ABLIM2: variants seen among roughly 807,000 people sequenced by gnomAD.
ABLIM2 encodes the protein actin-binding LIM protein 2.
ABLIM2 carries 53 observed loss-of-function variants against 97.7 expected under a neutral mutation model. The ratio of observed to expected loss-of-function variants is 0.54; its 90% CI spans 0.44 to 0.68. The LOEUF (loss-of-function observed/expected upper bound fraction) is 0.68. Ranked by LOEUF, ABLIM2 falls within the 30% of genes least tolerant of loss-of-function variation. The pLI, the probability that ABLIM2 is intolerant of heterozygous loss-of-function variation, is 0.00. For synonymous variants in ABLIM2, 361 were observed against 345.8 expected, an observed-to-expected ratio of 1.04 and a Z score of -0.49; for missense variants, 835 against 867.2, an observed-to-expected ratio of 0.96 and a Z score of 0.47.
In ABLIM2 at chr4:8,120,579, C is replaced by A. The variant is rs551594834; in HGVS notation, c.11-13942G>T. On this transcript the variant is annotated intron_variant, in intron 1 of 20. Coordinates refer to ENST00000447017, the MANE Select transcript of ABLIM2 (RefSeq NM_001130083.2). The surrounding 1 kb of genome is among the most constrained non-coding windows in gnomAD (Gnocchi z 5.6). ...CCTCAGAAGGAGCCAGCCCTGCCCG[C>A]ACCTTGATCTGGGACTTCTGGCCTC... Among the ~76,000 whole-genome samples the A allele has an allele frequency of 5.4e-4, 82 of 152,246 alleles. No homozygotes were observed. The highest frequency in any genetic ancestry group is 1.9e-3 in the African/African-American group (77 of 41,544).
intron 2 of ABLIM2, among the ~76,000 whole-genome samples, chr4:8,103,443 G>T (rs1027418417): frequency 6.6e-6 from 1 of 152,260 alleles, no homozygotes; most frequent in Non-Finnish European, 1.5e-5. Context: ...AGGAGAAGGG[G>T]TGGTCACTGC....
Position 8,019,821 on chromosome 4 carries a change from C to T in ABLIM2, c.1370-150G>A. On this transcript the variant is annotated intron_variant, in intron 13 of 20. Transcript: ENST00000447017. The surrounding 1 kb of genome is among the most constrained non-coding windows in gnomAD (Gnocchi z 4.3). ...ACTGGCACCCAGCGAGCGACAGACA[C>T]CCAGGCCCCAGATCAAGCCTCCCTG... The T allele has an allele frequency of 1.3e-6, 1 of 761,972 alleles. No homozygotes were observed. The highest frequency in any genetic ancestry group is 1.6e-5 in the South Asian group (1 of 62,164). 47.2% of individuals were successfully genotyped at this position (761,972 alleles called of 1,614,324 possible). A position where few individuals can be genotyped will look rare whatever the true frequency, so the allele number is the denominator to read the frequency against.
intron 7 of ABLIM2, among the ~76,000 whole-genome samples, chr4:8,057,962 T>C (rs961587973): frequency 5.3e-5 from 8 of 152,184 alleles, no homozygotes; most frequent in Non-Finnish European, 8.8e-5. Context: ...ACACAGCTGG[T>C]CAGACCTGTC....
intron 16 of ABLIM2, among the ~76,000 whole-genome samples, chr4:7,994,772 C>CTTT (rs1240449066): frequency 2.6e-5 from 3 of 117,478 alleles, no homozygotes; most frequent in Non-Finnish European, 6.2e-5. Flanking sequence ...TGTTTCCTGA[C>CTTT]TTCATGTCCA....
intron 20 of ABLIM2, among the ~76,000 whole-genome samples, chr4:7,969,225 G>T (rs1039253558): frequency 2.6e-5 from 4 of 152,096 alleles, no homozygotes. Context: ...AGGCCAAGGC[G>T]GGCAGATCAC....
intron 3 of ABLIM2, among the ~76,000 whole-genome samples, chr4:8,096,792 C>T (rs1213022252): frequency 6.6e-6 from 1 of 152,146 alleles, no homozygotes. Flanking sequence ...GGAGCGGGGC[C>T]GGTGCAGTCC....
intron 1 of ABLIM2, among the ~76,000 whole-genome samples, chr4:8,135,192 G>C (rs545033341): frequency 1.3e-5 from 2 of 152,310 alleles, no homozygotes; most frequent in South Asian, 4.1e-4. Flanking sequence ...AAGCTACTAA[G>C]GACAACGACA....
chr4:8,016,019 A>T, intron 14 of ABLIM2, among the ~76,000 whole-genome samples: 1 of 148,656 alleles, frequency 6.7e-6, no homozygotes, highest in South Asian at 2.1e-4. Flanking sequence ...CTGTAATAAG[A>T]GGTGATTTCT....
chr4:7,993,017 G>A lies in ABLIM2; in HGVS notation c.1619-90C>T, dbSNP rs1042830503. On this transcript the variant is annotated intron_variant, in intron 16 of 20. Coordinates refer to ENST00000447017, the MANE Select transcript of ABLIM2 (RefSeq NM_001130083.2). ...CTGGGGGGGCTTCCCACCGGGGTGG[G>A]CAAGGCTGGGCAAGCAACACAGGGG... is the stretch of plus-strand genomic sequence containing the variant. 3 of 1,339,026 alleles carry A rather than the reference G, an allele frequency of 2.2e-6. No individual in the cohort carries two copies. The African/African-American group carries it at 4.3e-5, about 19-fold the overall frequency. The allele number at this position is 1,339,026 out of a possible 1,614,324, so 82.9% of individuals were successfully genotyped here. A position where few individuals can be genotyped will look rare whatever the true frequency, so the allele number is the denominator to read the frequency against.
At chr4:7,978,181 C>G (rs764695507) in intron 20 of ABLIM2, among the ~76,000 whole-genome samples, 67 of 152,274 alleles carry the variant, frequency 4.4e-4, no homozygotes, top group African/African-American at 2.6e-4. Flanking sequence ...TCCTGCACCC[C>G]CTCTGGCTCA....
At chr4:7,987,822 G>C (rs1303935545) in intron 17 of ABLIM2, among the ~76,000 whole-genome samples, 2 of 152,096 alleles carry the variant, frequency 1.3e-5, no homozygotes, top group African/African-American at 4.8e-5. Context: ...AGTGGGGATG[G>C]GGTGTGCAAG....
chr4:8,093,677 GT>G (rs1830021781), intron 3 of ABLIM2, among the ~76,000 whole-genome samples: 1 of 152,196 alleles, frequency 6.6e-6, no homozygotes, highest in Non-Finnish European at 1.5e-5. Context: ...TTTAAGAAAT[GT>G]TGTTCTATTG....
At chr4:8,027,715 G>A in intron 12 of ABLIM2, 44 bp downstream of exon 12, 1 of 1,440,208 alleles carries the variant, frequency 6.9e-7, no homozygotes, top group Non-Finnish European at 9.3e-7. Flanking sequence ...CGCCGGGCGT[G>A]GACACCCATG....
At position 8,033,709 on chromosome 4, in the gene ABLIM2, T is replaced by C. The variant is rs1471171632; in HGVS notation, c.1047+2440A>G. 1.3e-5 allele frequency among the ~76,000 whole-genome samples: 2 copies of C among 152,122 alleles called. No individual in the cohort carries two copies. The highest frequency in any genetic ancestry group is 2.9e-5 in the Non-Finnish European group (2 of 68,008). ...CCCTTCTCTGCCCTCTGGGGACAGG[T>C]CCTGGGGTCAGGATCATCCATGGTT... On this transcript the variant is annotated intron_variant, in intron 10 of 20. Coordinates refer to ENST00000447017, the MANE Select transcript of ABLIM2 (RefSeq NM_001130083.2). The surrounding 1 kb of genome is among the most constrained non-coding windows in gnomAD (Gnocchi z 4.5).
At chr4:7,967,520 G>T (rs1267098911) in intron 20 of ABLIM2, among the ~76,000 whole-genome samples, 1 of 152,234 alleles carries the variant, frequency 6.6e-6, no homozygotes, top group Non-Finnish European at 1.5e-5. Context: ...GGAGGTGGAA[G>T]GTTTACCCCC....
At chr4:8,060,612 G>T (rs1051119510) in intron 7 of ABLIM2, among the ~76,000 whole-genome samples, 5 of 152,196 alleles carry the variant, frequency 3.3e-5, no homozygotes, top group African/African-American at 1.2e-4. Context: ...CCTGAGCTGG[G>T]GCGGCTTTCT....
chr4:8,009,460 G>C (rs1022736647), intron 14 of ABLIM2, among the ~76,000 whole-genome samples: 1 of 150,908 alleles, frequency 6.6e-6, no homozygotes, highest in Middle Eastern at 3.4e-3. Flanking sequence ...GCCATGGTGT[G>C]ATCTCGGCTC....
intron 20 of ABLIM2, among the ~76,000 whole-genome samples, chr4:7,974,391 C>A (rs1731020635): frequency 9.8e-6 from 1 of 102,280 alleles, no homozygotes; most frequent in Non-Finnish European, 2.5e-5. Context: ...ACCCATCCAC[C>A]CATCCATCCA....
chr4:8,013,672 C>A (rs1365669355), intron 14 of ABLIM2, among the ~76,000 whole-genome samples: 2 of 152,230 alleles, frequency 1.3e-5, no homozygotes, highest in Non-Finnish European at 2.9e-5. Context: ...AGAGCTGGAG[C>A]CACTTTGTCC....
Sources: gnomAD v4.1 joint callset for allele counts (sites outside exome capture counted in the v4.1 genomes callset) on GRCh38, gnomAD v4.1.1 for gene constraint, Gnocchi (gnomAD v3.1) non-coding constraint, MANE v1.5 for transcripts, NCBI Gene and HGNC (gene_info 2026-07-23, HGNC 2026-07-21) for gene names.